PROM1: variants seen among roughly 807,000 people sequenced by gnomAD.
PROM1 encodes prominin 1.
A neutral mutation model predicts 116.9 loss-of-function variants in PROM1; 105 were observed. The observed-to-expected ratio is 0.90, with a 90% CI of 0.77 to 1.06. The LOEUF is 1.06. Among genes scored for constraint, PROM1 ranks in the 50% least tolerant of loss-of-function variants. The pLI is 0.00. For missense variants in PROM1, 1,122 were observed against 1,045.2 expected, an observed-to-expected ratio of 1.07 and a Z score of -1.01; for synonymous variants, 393 against 387.0, an observed-to-expected ratio of 1.02 and a Z score of -0.18.
intron 2 of PROM1, among the ~76,000 whole-genome samples, chr4:16,074,879 C>T (rs1743613485): frequency 1.3e-5 from 2 of 152,182 alleles, no homozygotes; most frequent in South Asian, 4.1e-4. Flanking sequence ...AGAAAGATTA[C>T]AGCGAATTCT....
At chr4:15,990,916 G>A (rs1484970185) in intron 18 of PROM1, among the ~76,000 whole-genome samples, 1 of 152,160 alleles carries the variant, frequency 6.6e-6, no homozygotes, top group Non-Finnish European at 1.5e-5. Flanking sequence ...TCTGCACACT[G>A]CCTATGGGGT....
intron 2 of PROM1, among the ~76,000 whole-genome samples, chr4:16,052,932 T>A (rs1247580546): frequency 6.6e-6 from 1 of 152,216 alleles, no homozygotes; most frequent in African/African-American, 2.4e-5. Context: ...ATTGACATCA[T>A]GAGCCTCCTA....
In PROM1 at chr4:15,979,963, C is replaced by G. The variant is rs113626055; in HGVS notation, c.2490-59G>C. The G allele has an allele frequency of 8.0e-5, 80 of 999,482 alleles. No individual in the cohort carries two copies. The African/African-American group carries it at 9.5e-4, about 12-fold the overall frequency. 61.9% of individuals were successfully genotyped at this position (999,482 alleles called of 1,614,324 possible). On this transcript the variant is annotated intron_variant, in intron 24 of 27. Transcript: ENST00000447510. ...TTTTTTAATTATTATGAAAGCTCAGCAACTACATCCCCCAAATATTTACTC... is the reference window on the plus strand; with the variant it reads ...TTTTTTAATTATTATGAAAGCTCAGGAACTACATCCCCCAAATATTTACTC...
intron 2 of PROM1, among the ~76,000 whole-genome samples, chr4:16,044,568 G>A (rs1381008385): frequency 1.3e-5 from 2 of 152,184 alleles, no homozygotes; most frequent in Non-Finnish European, 2.9e-5. Context: ...GTGGCTCTGT[G>A]CTAAGGATTT....
chr4:16,023,545 G>C, intron 7 of PROM1, 130 bp from the exon 8 acceptor site: 1 of 666,428 alleles, frequency 1.5e-6, no homozygotes, highest in Non-Finnish European at 2.5e-6. Flanking sequence ...CCCTGTCTAG[G>C]GGTTAAACTC....
chr4:16,045,110 T>C (rs1342902269), intron 2 of PROM1, among the ~76,000 whole-genome samples: 1 of 152,106 alleles, frequency 6.6e-6, no homozygotes, highest in Non-Finnish European at 1.5e-5. Flanking sequence ...CCTCAGCAAG[T>C]GGCACAGAAT....
chr4:15,995,624 C>G (rs991753622), intron 15 of PROM1, among the ~76,000 whole-genome samples: 1 of 152,064 alleles, frequency 6.6e-6, no homozygotes, highest in Non-Finnish European at 1.5e-5. Flanking sequence ...TTAAAAGCTC[C>G]CAAAGAGTAG....
At chr4:16,043,108 A>G (rs2149432929) in intron 2 of PROM1, among the ~76,000 whole-genome samples, 1 of 152,336 alleles carries the variant, frequency 6.6e-6, no homozygotes, top group East Asian at 1.9e-4. Flanking sequence ...ATAAATATTG[A>G]TAAACAAAAT....
chr4:15,979,853 G>A, intron 25 of PROM1, 28 bp downstream of exon 25: 1 of 1,438,910 alleles, frequency 6.9e-7, no homozygotes, highest in Non-Finnish European at 9.5e-7. Flanking sequence ...ATCCCATCTA[G>A]GAATATAGTT....
chr4:16,008,358 TG>T (rs1458484993), intron 12 of PROM1, among the ~76,000 whole-genome samples: 1 of 152,196 alleles, frequency 6.6e-6, no homozygotes, highest in Non-Finnish European at 1.5e-5. Flanking sequence ...CATTTTCTAA[TG>T]GGACAACCAG....
rs564385058 is a variant in PROM1 at position 16,064,485 on chromosome 4, C to T, written c.220+11202G>A. On this transcript the variant is annotated intron_variant, in intron 2 of 27. Transcript: ENST00000447510. Reference sequence around the variant, plus strand: ...ACCAGGTAACAAGAGGCAGTTCCTCCGTGGGATGGTTCTTTTTCACGATCT... The same window carrying T: ...ACCAGGTAACAAGAGGCAGTTCCTCTGTGGGATGGTTCTTTTTCACGATCT... Among the ~76,000 whole-genome samples, 275 of 152,182 alleles carry T rather than the reference C, an allele frequency of 1.8e-3. 1 individual carries two copies. The highest frequency in any genetic ancestry group is 3.4e-3 in the Middle Eastern group (1 of 294).
chr4:16,070,235 C>G (rs1383179630), intron 2 of PROM1, among the ~76,000 whole-genome samples: 2 of 152,144 alleles, frequency 1.3e-5, no homozygotes, highest in Non-Finnish European at 2.9e-5. Context: ...TGAAGTCACT[C>G]TGTCTCCATC....
chr4:15,985,684 T>A (rs1719186854), intron 22 of PROM1, 76 bp downstream of exon 22: 4 of 1,049,238 alleles, frequency 3.8e-6, no homozygotes, highest in Non-Finnish European at 5.7e-6. Flanking sequence ...ATTTTATTTC[T>A]TCCAGATTTT....
intron 8 of PROM1, among the ~76,000 whole-genome samples, chr4:16,022,395 C>T (rs1730134375): frequency 6.6e-6 from 1 of 152,032 alleles, no homozygotes; most frequent in Non-Finnish European, 1.5e-5. Flanking sequence ...TTGGCTGGAC[C>T]CTTTGCAGGG....
At chr4:15,991,030 T>C (rs1469787342) in intron 18 of PROM1, among the ~76,000 whole-genome samples, 192 bp downstream of exon 18, 1 of 152,146 alleles carries the variant, frequency 6.6e-6, no homozygotes. Flanking sequence ...CTGGCAACAT[T>C]CAAGGCTCAG....
Position 16,019,864 on chromosome 4 carries a change from T to C in PROM1, c.785-1324A>G, listed in dbSNP as rs112374000. ...CCACATAACAGAAAATACTTGAGTG[T>C]TAAAAATACACACACACACACACAC... is the stretch of plus-strand genomic sequence containing the variant. On this transcript the variant is annotated intron_variant, in intron 8 of 27. Coordinates refer to ENST00000447510, the MANE Select transcript of PROM1 (RefSeq NM_006017.3). Among the ~76,000 whole-genome samples, 354 of 71,072 alleles carry C rather than the reference T, an allele frequency of 5.0e-3. 4 individuals carry two copies. The highest frequency in any genetic ancestry group is 9.2e-3 in the Non-Finnish European group (286 of 30,976). The allele number at this position is 71,072 out of a possible 152,430, so 46.6% of individuals were successfully genotyped here.
chr4:16,077,950 C>CCTAGACTT (rs1744295268), intron 1 of PROM1, among the ~76,000 whole-genome samples: 1 of 152,188 alleles, frequency 6.6e-6, no homozygotes, highest in Non-Finnish European at 1.5e-5. Flanking sequence ...GGGACCACAC[C>CCTAGACTT]GTTTGAGGCT....
chr4:16,074,708 T>G (rs920619182), intron 2 of PROM1, among the ~76,000 whole-genome samples: 2 of 152,228 alleles, frequency 1.3e-5, no homozygotes, highest in Non-Finnish European at 2.9e-5. Context: ...CCAATACAAA[T>G]GTATTTTAAT....
chr4:15,999,821 A>C (rs1560446644), intron 14 of PROM1, among the ~76,000 whole-genome samples: 2 of 151,838 alleles, frequency 1.3e-5, no homozygotes, highest in Non-Finnish European at 2.9e-5. Context: ...TGAAATAGAA[A>C]TATATTTTAA....
Sources: gnomAD v4.1 joint callset for allele counts (sites outside exome capture counted in the v4.1 genomes callset) on GRCh38, gnomAD v4.1.1 for gene constraint, MANE v1.5 for transcripts, NCBI Gene and HGNC (gene_info 2026-07-23, HGNC 2026-07-21) for gene names.